RIMS3: variants seen among roughly 807,000 people sequenced by gnomAD.
RIMS3 encodes the protein regulating synaptic membrane exocytosis protein 3.
Under a neutral mutation model 29.2 loss-of-function variants are expected in RIMS3, and 15 were observed. The observed-to-expected ratio is 0.51, with a 90% confidence interval of 0.34 to 0.79. The LOEUF is 0.79. RIMS3 is among the 30% of genes least tolerant of loss of function. The probability of loss-of-function intolerance (pLI) is 0.01; values close to 1 mark genes in which losing one functional copy is unlikely to be tolerated. For synonymous variants in RIMS3, 161 were observed against 170.1 expected (o/e 0.95, Z 0.41); for missense variants, 342 against 421.4 (o/e 0.81, Z 1.65).
At chr1:40,637,841 T>C (rs1289344423) in intron 3 of RIMS3, among the ~76,000 whole-genome samples, 1 of 152,170 alleles carries the variant, frequency 6.6e-6, no homozygotes, top group Non-Finnish European at 1.5e-5. Flanking sequence ...AAAATGCTGG[T>C]GTGTGGGGCC....
At chr1:40,646,633 C>T (rs973294081) in intron 2 of RIMS3, among the ~76,000 whole-genome samples, 1 of 152,148 alleles carries the variant, frequency 6.6e-6, no homozygotes, top group African/African-American at 2.4e-5. Flanking sequence ...TTTGATCTAT[C>T]CTCCAGGGAG....
intron 3 of RIMS3, 26 bp downstream of exon 3, chr1:40,641,683 C>T (rs1300868421): frequency 6.2e-7 from 1 of 1,611,092 alleles, no homozygotes; most frequent in South Asian, 1.1e-5. Context: ...CCCACCTCTA[C>T]CCCGTGATGT....
intron 1 of RIMS3, among the ~76,000 whole-genome samples, chr1:40,661,540 G>A (rs1271415172): frequency 2.0e-5 from 3 of 152,138 alleles, no homozygotes; most frequent in South Asian, 4.1e-4. Context: ...AGGGCCCTGC[G>A]TGACCACTGA....
At chr1:40,629,411 C>A (rs2148343965) in intron 5 of RIMS3, 39 bp from the exon 6 acceptor site, 5 of 1,551,204 alleles carry the variant, frequency 3.2e-6, no homozygotes, top group Middle Eastern at 3.4e-4. Flanking sequence ...CAGGGCCAGA[C>A]CAAGGGGCAG....
intron 5 of RIMS3, among the ~76,000 whole-genome samples, chr1:40,631,916 T>C (rs978091363): frequency 6.6e-6 from 1 of 151,786 alleles, no homozygotes; most frequent in Non-Finnish European, 1.5e-5. Flanking sequence ...AGGTAGGTTA[T>C]GGTGAGCCAA....
chr1:40,636,052 C>T lies in RIMS3; in HGVS notation c.223G>A (p.Ala75Thr), dbSNP rs1364817558. The T allele has an allele frequency of 1.2e-6, 2 of 1,603,188 alleles. No homozygotes were observed. Among genetic ancestry groups the T allele is most frequent in the African/African-American group, 2.7e-5 (2 of 75,036 alleles). ...STLQLPQPEGATKKLRSNIRR... is the reference protein window; with the variant it reads ...STLQLPQPEGTTKKLRSNIRR... ...ATGTTGCTGCGCAGCTTCTTGGTGG[C>T]CCCTTCTGTGACCCCCCCAACCCCA... Residue 75 changes from alanine to threonine, a missense_variant, in exon 4 of 8, where the codon GCC becomes ACC. Coordinates refer to ENST00000372684, the MANE Select transcript of RIMS3 (RefSeq NM_014747.3). This position sits in a 1 kb window ranked among gnomAD's most constrained non-coding sequence, Gnocchi z 4.2.
intron 1 of RIMS3, among the ~76,000 whole-genome samples, chr1:40,664,796 C>A (rs1209025300): frequency 6.6e-6 from 1 of 152,234 alleles, no homozygotes; most frequent in Non-Finnish European, 1.5e-5. Context: ...TGAGAGCATG[C>A]CCAAGTTGCC....
intron 1 of RIMS3, among the ~76,000 whole-genome samples, chr1:40,651,155 C>T (rs1418758975): frequency 6.6e-6 from 1 of 152,142 alleles, no homozygotes; most frequent in Non-Finnish European, 1.5e-5. Context: ...CCTCCAGTCC[C>T]TCAGAATGTG....
At position 40,626,591 on chromosome 1, in the gene RIMS3, A is replaced by G. The variant is rs1232878115; in HGVS notation, c.853T>C (p.Ser285Pro). The G allele has an allele frequency of 1.9e-6, 3 of 1,614,094 alleles. No individual in the cohort carries two copies. Among genetic ancestry groups the G allele is most frequent in the Non-Finnish European group, 2.5e-6 (3 of 1,180,004 alleles). The stretch of plus-strand genomic sequence containing the variant: ...CGCCTGGTGAGGGATCCGAGTGTGG[A>G]GTCTGCCACTGAGGAGGTGGGGAAG... ...KLFPTSSVAD[S>P]TLGSLTRRLS... Residue 285 changes from serine (S) to proline (P), a missense_variant, in exon 8 of 8, where the codon TCC becomes CCC. By Grantham distance (74) the Ser-to-Pro change is moderately conservative. Coordinates refer to ENST00000372684, the MANE Select transcript of RIMS3 (RefSeq NM_014747.3).
intron 1 of RIMS3, among the ~76,000 whole-genome samples, chr1:40,663,470 C>A (rs558474483): frequency 6.6e-6 from 1 of 152,210 alleles, no homozygotes; most frequent in South Asian, 2.1e-4. Context: ...GCCTGCTCCC[C>A]CCTCCCCAGG....
At chr1:40,669,302 A>G (rs1325260290), upstream of RIMS3, 1 of 152,222 alleles carries the variant, frequency 6.6e-6, no homozygotes, top group Non-Finnish European at 1.5e-5. Flanking sequence ...GAGGCTTGAA[A>G]AAAGTGACTT....
chr1:40,680,176 C>CA, the RIMS3 span, among the ~76,000 whole-genome samples: 1 of 151,676 alleles, frequency 6.6e-6, no homozygotes, highest in Non-Finnish European at 1.5e-5. Flanking sequence ...ACAACAAAAA[C>CA]AAAAAACAAG....
chr1:40,671,001 T>C, the RIMS3 span, among the ~76,000 whole-genome samples: 2 of 152,124 alleles, frequency 1.3e-5, no homozygotes, highest in African/African-American at 2.4e-5. Context: ...CATGGATTAG[T>C]ACAAAGAAAG....
chr1:40,629,053 G>A (rs531954781), intron 6 of RIMS3, 104 bp from the exon 7 acceptor site: 5 of 1,448,878 alleles, frequency 3.5e-6, no homozygotes, highest in Middle Eastern at 2.2e-4. Flanking sequence ...CAGGATGTGT[G>A]GAATGAGCCA....
chr1:40,671,429 T>C, the RIMS3 span, among the ~76,000 whole-genome samples: 2 of 152,188 alleles, frequency 1.3e-5, no homozygotes, highest in Non-Finnish European at 2.9e-5. Context: ...GTCAAATTTG[T>C]AATCCCCAGT....
chr1:40,681,862 T>C, the RIMS3 span, among the ~76,000 whole-genome samples: 1 of 152,166 alleles, frequency 6.6e-6, no homozygotes, highest in African/African-American at 2.4e-5. Flanking sequence ...AGACTGAGTT[T>C]TGCTCTTGTC....
At chr1:40,653,443 C>T (rs1320566601) in intron 1 of RIMS3, among the ~76,000 whole-genome samples, 2 of 152,114 alleles carry the variant, frequency 1.3e-5, no homozygotes, top group African/African-American at 4.8e-5. Flanking sequence ...AAGAGGCCTG[C>T]CCAGCTCAGG....
Position 40,622,406 on chromosome 1 carries a change from G to A in RIMS3, c.*4111C>T, listed in dbSNP as rs1646426725. The A allele has an allele frequency of 6.6e-6, 1 of 152,326 alleles. No homozygotes were observed. The highest frequency in any genetic ancestry group is 2.1e-4 in the South Asian group (1 of 4,832). 9.4% of individuals were successfully genotyped at this position (152,326 alleles called of 1,614,324 possible). A position where few individuals can be genotyped will look rare whatever the true frequency, so the allele number is the denominator to read the frequency against. On this transcript the variant is annotated 3_prime_UTR_variant, in exon 8 of 8. Coordinates refer to ENST00000372684, the MANE Select transcript of RIMS3 (RefSeq NM_014747.3). The stretch of plus-strand genomic sequence containing the variant: ...CGTGAGTGAAAAGGTTGAGGGAGAA[G>A]GCGGGGGGATGTGTCCACATTTTCA...
chr1:40,623,685 G>A lies in RIMS3; in HGVS notation c.*2832C>T. On this transcript the variant is annotated 3_prime_UTR_variant, in exon 8 of 8. Coordinates refer to ENST00000372684, the MANE Select transcript of RIMS3 (RefSeq NM_014747.3). Reference sequence around the variant, plus strand: ...CCCCACCCCCCGTCCTCAAACAGCAGATGCTCCCCCACCCCAGCAAACAAC... The same window carrying A: ...CCCCACCCCCCGTCCTCAAACAGCAAATGCTCCCCCACCCCAGCAAACAAC... The A allele has an allele frequency of 2.7e-6, 1 of 376,444 alleles. No individual in the cohort carries two copies. Among genetic ancestry groups the A allele is most frequent in the Non-Finnish European group, 4.5e-6 (1 of 220,090 alleles). The allele number at this position is 376,444 out of a possible 1,614,324, so 23.3% of individuals were successfully genotyped here.
Sources: allele counts gnomAD v4.1 joint callset (sites outside exome capture counted in the v4.1 genomes callset), GRCh38; gene constraint gnomAD v4.1.1; non-coding constraint Gnocchi (gnomAD v3.1); transcripts MANE v1.5; gene names NCBI Gene and HGNC (gene_info 2026-07-23, HGNC 2026-07-21).